Variants in BMP6 observed in about 807,000 individuals in gnomAD.
BMP6 encodes VG-1-R.
BMP6 carries 17 observed loss-of-function variants against 54.1 expected under a neutral mutation model. That is an observed-to-expected ratio of 0.31 (90% confidence interval 0.22 to 0.47). The LOEUF (loss-of-function observed/expected upper bound fraction) is 0.47. BMP6 is among the 20% of genes least tolerant of loss of function. The pLI is 1.00. For synonymous variants in BMP6, 328 were observed against 291.2 expected (o/e 1.13, Z -1.28); for missense variants, 720 against 690.4 (o/e 1.04, Z -0.48).
chr6:7,880,458 C>A lies in BMP6; in HGVS notation c.*115C>A. The A allele has an allele frequency of 7.3e-7, 1 of 1,362,750 alleles. No individual in the cohort carries two copies. The highest frequency in any genetic ancestry group is 1.0e-6 in the Non-Finnish European group (1 of 986,068). The allele number at this position is 1,362,750 out of a possible 1,614,324, so 84.4% of individuals were successfully genotyped here. On this transcript the variant is annotated 3_prime_UTR_variant, in exon 7 of 7. Coordinates refer to ENST00000283147, the MANE Select transcript of BMP6 (RefSeq NM_001718.6). Reference sequence around the variant, plus strand: ...GGACGATGAGACTTTGAAACTATCTCATGCCAGTGCCTTATTACCCAGGAA... The same window carrying A: ...GGACGATGAGACTTTGAAACTATCTAATGCCAGTGCCTTATTACCCAGGAA...
At chr6:7,804,298 A>T (rs1394971774) in intron 1 of BMP6, among the ~76,000 whole-genome samples, 4 of 149,024 alleles carry the variant, frequency 2.7e-5, no homozygotes, top group Non-Finnish European at 4.5e-5. Flanking sequence ...TTTTTTTTTA[A>T]ACTCTCACTT....
Position 7,757,419 on chromosome 6 carries a change from G to A in BMP6, c.664+29800G>A, listed in dbSNP as rs146902313. Reference sequence around the variant, plus strand: ...TTCCATCTCTACCTCGGCCATCATAGGACATTCTCCCTATGCCTGCTTATG... The same window carrying A: ...TTCCATCTCTACCTCGGCCATCATAAGACATTCTCCCTATGCCTGCTTATG... On this transcript the variant is annotated intron_variant, in intron 1 of 6. Coordinates refer to ENST00000283147, the MANE Select transcript of BMP6 (RefSeq NM_001718.6). 1.7e-3 allele frequency among the ~76,000 whole-genome samples: 259 copies of A among 152,202 alleles called. 2 individuals carry two copies. Among genetic ancestry groups the A allele is most frequent in the African/African-American group, 6.0e-3 (249 of 41,530 alleles).
At chr6:7,821,022 AATC>A (rs1758603639) in intron 1 of BMP6, among the ~76,000 whole-genome samples, 1 of 152,248 alleles carries the variant, frequency 6.6e-6, no homozygotes, top group East Asian at 1.9e-4. Flanking sequence ...TGTGCGGCCC[AATC>A]CCTAACAGGG....
intron 1 of BMP6, among the ~76,000 whole-genome samples, chr6:7,733,695 A>C (rs1334890507): frequency 6.6e-6 from 1 of 152,186 alleles, no homozygotes; most frequent in Non-Finnish European, 1.5e-5. Flanking sequence ...AGTTAACTTT[A>C]TTCAAATACA....
chr6:7,760,773 G>A (rs531594928), intron 1 of BMP6, among the ~76,000 whole-genome samples: 18 of 152,288 alleles, frequency 1.2e-4, no homozygotes, highest in East Asian at 7.7e-4. Flanking sequence ...TGGCTGGACC[G>A]TAGTGTTTTA....
intron 1 of BMP6, among the ~76,000 whole-genome samples, chr6:7,768,094 G>A (rs75710895): frequency 1.3e-5 from 2 of 152,058 alleles, no homozygotes; most frequent in Admixed American, 6.6e-5. Context: ...CAGGAAGTGC[G>A]CATGTCCCTT....
intron 1 of BMP6, among the ~76,000 whole-genome samples, chr6:7,755,290 G>A (rs1020117395): frequency 1.3e-5 from 2 of 151,944 alleles, no homozygotes; most frequent in African/African-American, 4.8e-5. Flanking sequence ...TTTGGATTGT[G>A]TATTTTTTGT....
chr6:7,731,462 T>C (rs767693960), intron 1 of BMP6, among the ~76,000 whole-genome samples: 2 of 152,210 alleles, frequency 1.3e-5, no homozygotes, highest in East Asian at 1.9e-4. Flanking sequence ...TTTTCTTTTT[T>C]CTTGTTAAAT....
At chr6:7,846,589 G>A (rs1374596595) in intron 2 of BMP6, among the ~76,000 whole-genome samples, 1 of 152,184 alleles carries the variant, frequency 6.6e-6, no homozygotes, top group Non-Finnish European at 1.5e-5. Context: ...GATAGTTGTA[G>A]GTAATTCATA....
At chr6:7,863,418 A>G (rs146773017) in intron 4 of BMP6, among the ~76,000 whole-genome samples, 96 of 152,188 alleles carry the variant, frequency 6.3e-4, no homozygotes, top group African/African-American at 2.2e-3. Context: ...CTATCTCTAT[A>G]TGGTGGCCAG....
intron 1 of BMP6, among the ~76,000 whole-genome samples, chr6:7,822,032 T>G (rs186465908): frequency 1.1e-4 from 17 of 152,280 alleles, no homozygotes; most frequent in African/African-American, 4.1e-4. Context: ...GGACTTTTTT[T>G]TTTTTGAGAC....
intron 4 of BMP6, 108 bp downstream of exon 4, chr6:7,862,606 A>C (rs1298616147): frequency 1.4e-6 from 2 of 1,392,414 alleles, no homozygotes; most frequent in Non-Finnish European, 2.0e-6. Context: ...CAGCAAATCC[A>C]AAGGCAAATA....
intron 2 of BMP6, among the ~76,000 whole-genome samples, chr6:7,852,165 AAT>A (rs1265616495): frequency 5.9e-5 from 9 of 152,366 alleles, no homozygotes; most frequent in African/African-American, 2.2e-4. Flanking sequence ...AGGCAGACAA[AAT>A]ATGGCCAAAT....
intron 1 of BMP6, among the ~76,000 whole-genome samples, chr6:7,831,165 C>T (rs1758787724): frequency 6.6e-6 from 1 of 152,102 alleles, no homozygotes; most frequent in Non-Finnish European, 1.5e-5. Context: ...CATGGATGCA[C>T]CTTGAAAACA....
intron 1 of BMP6, among the ~76,000 whole-genome samples, chr6:7,832,864 A>G (rs1003585152): frequency 6.6e-6 from 1 of 151,328 alleles, no homozygotes. Flanking sequence ...CGAAGTCACG[A>G]GATCCTGGGC....
In BMP6 at chr6:7,830,093, T is replaced by C. The variant is rs114623311; in HGVS notation, c.665-15047T>C. Among the ~76,000 whole-genome samples the C allele has an allele frequency of 8.8e-3, 1,346 of 152,300 alleles. 16 individuals carry two copies. Among genetic ancestry groups the C allele is most frequent in the African/African-American group, 0.031 (1,275 of 41,554 alleles). ...TTTCAGAAAAGAGCCAATCACCATT[T>C]GACTAGGGCTCATCACTTTTCAACT... On this transcript the variant is annotated intron_variant, in intron 1 of 6. Transcript: ENST00000283147.
intron 1 of BMP6, among the ~76,000 whole-genome samples, chr6:7,734,605 A>G (rs1343970660): frequency 2.6e-5 from 4 of 152,226 alleles, no homozygotes; most frequent in Admixed American, 2.6e-4. Flanking sequence ...AATGCTATGT[A>G]TATCTATAAA....
chr6:7,811,626 T>C lies in BMP6; in HGVS notation c.665-33514T>C, dbSNP rs1160213756. On this transcript the variant is annotated intron_variant, in intron 1 of 6. Coordinates refer to ENST00000283147, the MANE Select transcript of BMP6 (RefSeq NM_001718.6). ...GAAATGGGGCCTAAGTTCAGGGTAG[T>C]GTTCTTTTCTGCTGTTTCATTTGAC... is the stretch of plus-strand genomic sequence containing the variant. 2.6e-5 allele frequency among the ~76,000 whole-genome samples: 4 copies of C among 152,198 alleles called. No homozygotes were observed. The East Asian group carries it at 7.7e-4, about 29-fold the overall frequency.
intron 1 of BMP6, among the ~76,000 whole-genome samples, chr6:7,775,524 T>C (rs780050179): frequency 3.9e-5 from 6 of 152,214 alleles, no homozygotes; most frequent in Non-Finnish European, 8.8e-5. Context: ...TCCCTGTTTA[T>C]TGTAATGTAA....
Sources: allele counts gnomAD v4.1 joint callset (sites outside exome capture counted in the v4.1 genomes callset), GRCh38; gene constraint gnomAD v4.1.1; transcripts MANE v1.5; gene names NCBI Gene and HGNC (gene_info 2026-07-23, HGNC 2026-07-21).